TPST2: variants seen among roughly 807,000 people sequenced by gnomAD.
TPST2 encodes tyrosylprotein sulfotransferase 2.
A neutral mutation model predicts 27.8 loss-of-function variants in TPST2; 16 were observed. The observed-to-expected ratio is 0.58, with a 90% CI of 0.39 to 0.88. The LOEUF is 0.88. TPST2 is among the 40% of genes least tolerant of loss of function. TPST2 has a pLI of 0.00. For missense variants in TPST2, 464 were observed against 543.1 expected (o/e 0.85, Z 1.45); for synonymous variants, 229 against 231.7 (o/e 0.99, Z 0.10).
Position 26,541,367 on chromosome 22 carries a change from CA to C in TPST2, c.263del (p.Leu88ArgfsTer41). The C allele has an allele frequency of 6.4e-7, 1 of 1,552,494 alleles. No individual in the cohort carries two copies. The highest frequency in any genetic ancestry group is 8.7e-7 in the Non-Finnish European group (1 of 1,148,322). The part of the protein sequence containing the change: ...RSGTTLMRAM[L>X]DAHPEVRCGE... Reference sequence around the variant, plus strand: ...CGCAGCGCACCTCGGGGTGCGCGTCCAGCATGGCGCGCATCAACGTGGTGCC... The same window carrying C: ...CGCAGCGCACCTCGGGGTGCGCGTCCGCATGGCGCGCATCAACGTGGTGCC... On this transcript the variant is annotated frameshift_variant, in exon 3 of 7. Coordinates refer to ENST00000338754, the MANE Select transcript of TPST2 (RefSeq NM_003595.5). LOFTEE classifies it high-confidence loss of function. This position sits in a 1 kb window ranked among gnomAD's most constrained non-coding sequence, Gnocchi z 5.9.
intron 1 of TPST2, among the ~76,000 whole-genome samples, chr22:26,576,074 CA>C (rs1242770671): frequency 6.6e-6 from 1 of 151,822 alleles, no homozygotes; most frequent in Non-Finnish European, 1.5e-5. Flanking sequence ...AAAGGACACA[CA>C]AAAAAATTTA....
chr22:26,549,729 G>C (rs940996860), intron 1 of TPST2, among the ~76,000 whole-genome samples: 7 of 150,238 alleles, frequency 4.7e-5, no homozygotes, highest in Non-Finnish European at 8.9e-5. Context: ...TCGGTTGTTG[G>C]AAACAGCGGG....
intron 1 of TPST2, among the ~76,000 whole-genome samples, chr22:26,580,064 G>A (rs969947270): frequency 1.5e-4 from 23 of 151,786 alleles, no homozygotes; most frequent in Admixed American, 6.6e-5. Context: ...GAACAACATA[G>A]TGAGACCCCA....
chr22:26,542,062 T>C (rs1331797042), intron 2 of TPST2, among the ~76,000 whole-genome samples: 4 of 151,574 alleles, frequency 2.6e-5, no homozygotes, highest in Non-Finnish European at 1.5e-5. Context: ...GCTAACACGG[T>C]GATATCCCAT....
chr22:26,543,184 C>T (rs1313910186), intron 2 of TPST2: 1 of 152,204 alleles, frequency 6.6e-6, no homozygotes, highest in African/African-American at 2.4e-5. Flanking sequence ...ACCGGCCTCT[C>T]TGTGCATTGG....
At chr22:26,551,790 G>C (rs1275303848) in intron 1 of TPST2, among the ~76,000 whole-genome samples, 1 of 151,894 alleles carries the variant, frequency 6.6e-6, no homozygotes, top group Non-Finnish European at 1.5e-5. Flanking sequence ...ACCTGGAAGA[G>C]TGTCATGGGA....
chr22:26,584,788 C>T (rs1928275540), intron 1 of TPST2, among the ~76,000 whole-genome samples: 1 of 152,240 alleles, frequency 6.6e-6, no homozygotes, highest in Admixed American at 6.5e-5. Context: ...GAGCCTCAGC[C>T]TGTTCACATC....
chr22:26,539,100 T>C (rs1202036624), intron 3 of TPST2, among the ~76,000 whole-genome samples: 3 of 152,326 alleles, frequency 2.0e-5, no homozygotes, highest in African/African-American at 7.2e-5. Flanking sequence ...TAATAATTTA[T>C]AAAATCCTAG....
At chr22:26,563,137 G>A (rs1052858727) in intron 1 of TPST2, among the ~76,000 whole-genome samples, 9 of 152,066 alleles carry the variant, frequency 5.9e-5, no homozygotes, top group Admixed American at 3.3e-4. Flanking sequence ...AGGTCTTTCC[G>A]TGTCAGCATG....
intron 4 of TPST2, 74 bp from the exon 5 acceptor site, chr22:26,532,819 C>G: frequency 1.4e-6 from 2 of 1,436,728 alleles, no homozygotes; most frequent in East Asian, 2.3e-5. Flanking sequence ...CCCAACACAT[C>G]CAGTCATCCA....
chr22:26,579,450 G>T (rs905156211), intron 1 of TPST2, among the ~76,000 whole-genome samples: 1 of 152,206 alleles, frequency 6.6e-6, no homozygotes, highest in African/African-American at 2.4e-5. Flanking sequence ...GGCCCTGGGG[G>T]CGTGGAAAGG....
intron 1 of TPST2, among the ~76,000 whole-genome samples, chr22:26,557,618 C>T (rs191915254): frequency 5.9e-5 from 9 of 151,712 alleles, no homozygotes; most frequent in African/African-American, 1.7e-4. Context: ...ATCCTGGGGA[C>T]GGTGGGAAAT....
rs771232915 is a variant in TPST2, at chr22:26,541,234, G to A, written c.397C>T (p.Leu133=). 11 of 1,554,894 alleles carry A rather than the reference G, an allele frequency of 7.1e-6. No individual in the cohort carries two copies. In the South Asian group the frequency reaches 9.9e-5, roughly 14 times the overall value. ...ATGAAGGCCTGCATGGCGGCGTCCA[G>A]CACCTCATCCGTCACCCCCGCCTCA... is the stretch of plus-strand genomic sequence containing the variant. The part of the protein sequence containing the change: ...LDEAGVTDEV[L]DAAMQAFILE... Residue 133 remains leucine (L), a synonymous_variant, in exon 3 of 7, where the codon CTG becomes TTG. Coordinates refer to ENST00000338754, the MANE Select transcript of TPST2 (RefSeq NM_003595.5). The surrounding 1 kb of genome is among the most constrained non-coding windows in gnomAD (Gnocchi z 5.9).
intron 1 of TPST2, among the ~76,000 whole-genome samples, chr22:26,545,758 T>A (rs898809444): frequency 2.0e-5 from 3 of 152,108 alleles, no homozygotes; most frequent in Admixed American, 6.6e-5. Context: ...TTAACCAGGG[T>A]AACAACACTT....
chr22:26,535,398 A>G (rs1000247476), intron 4 of TPST2, among the ~76,000 whole-genome samples: 1 of 152,268 alleles, frequency 6.6e-6, no homozygotes, highest in African/African-American at 2.4e-5. Context: ...AAAGTAAACT[A>G]GAAGCTGTAA....
intron 1 of TPST2, among the ~76,000 whole-genome samples, chr22:26,573,689 T>C (rs1927720053): frequency 6.6e-6 from 1 of 151,542 alleles, no homozygotes; most frequent in Non-Finnish European, 1.5e-5. Flanking sequence ...GGCCTCAACC[T>C]TTTTTTTTGT....
intron 1 of TPST2, among the ~76,000 whole-genome samples, chr22:26,581,695 G>A (rs1050707611): frequency 6.6e-6 from 1 of 152,260 alleles, no homozygotes; most frequent in African/African-American, 2.4e-5. Context: ...AAAAATAAAC[G>A]TAAAGAGCTA....
chr22:26,587,126 G>C (rs1435275999), intron 1 of TPST2, among the ~76,000 whole-genome samples: 4 of 152,166 alleles, frequency 2.6e-5, no homozygotes, highest in African/African-American at 9.7e-5. Flanking sequence ...ACTTAATTTT[G>C]GGGTCAAGGG....
chr22:26,570,138 G>A (rs1030994427), intron 1 of TPST2, among the ~76,000 whole-genome samples: 5 of 152,142 alleles, frequency 3.3e-5, no homozygotes, highest in African/African-American at 1.2e-4. Flanking sequence ...GCTGAGGAAT[G>A]GTGTTGCTGG....
Sources: gnomAD v4.1 joint callset for allele counts (sites outside exome capture counted in the v4.1 genomes callset) on GRCh38, gnomAD v4.1.1 for gene constraint, Gnocchi (gnomAD v3.1) non-coding constraint, MANE v1.5 for transcripts, NCBI Gene and HGNC (gene_info 2026-07-23, HGNC 2026-07-21) for gene names.